ANKRD53: variants seen among roughly 807,000 people sequenced by gnomAD.
The protein encoded by ANKRD53 is ankyrin repeat domain 53.
ANKRD53 carries 27 observed loss-of-function variants against 30.1 expected under a neutral mutation model. The ratio of observed to expected loss-of-function variants is 0.90; its 90% CI spans 0.66 to 1.24. The LOEUF is 1.24. Ranked by LOEUF, ANKRD53 falls within the 50% of genes most tolerant of loss-of-function variation. The probability of loss-of-function intolerance (pLI) is 0.00; values close to 1 mark genes in which losing one functional copy is unlikely to be tolerated. For synonymous variants in ANKRD53, 286 were observed against 295.4 expected (o/e 0.97, Z 0.33); for missense variants, 682 against 721.0 (o/e 0.95, Z 0.62).
At chr2:70,979,053 C>G in intron 1 of ANKRD53, 44 bp from the exon 2 acceptor site, 3 of 1,517,478 alleles carry the variant, frequency 2.0e-6, no homozygotes, top group Non-Finnish European at 2.6e-6. Context: ...GAGAGGTGCC[C>G]GGGCCGTGGC....
At position 70,982,461 on chromosome 2, in the gene ANKRD53, T is replaced by A. The variant is rs1194595013; in HGVS notation, c.783-116T>A. The A allele has an allele frequency of 1.4e-6, 2 of 1,430,050 alleles. No homozygotes were observed. The highest frequency in any genetic ancestry group is 2.8e-5 in the African/African-American group (2 of 70,240). The allele number at this position is 1,430,050 out of a possible 1,614,324, so 88.6% of individuals were successfully genotyped here. On this transcript the variant is annotated intron_variant, in intron 4 of 5. Transcript: ENST00000360589. This position sits in a 1 kb window ranked among gnomAD's most constrained non-coding sequence, Gnocchi z 4.2. ...ATGGGGATGGCTCATCTTGCTCCTC[T>A]CCCTCTGGCCACTCCCCTCATCCCC...
chr2:70,978,916 G>C lies in ANKRD53; in HGVS notation c.170+101G>C. ...GGAGCGGGCGGGGGCGGAGGCTGCGGCCCGAGAAGCCAGCAGAGACAGGCT... is the reference window on the plus strand; with the variant it reads ...GGAGCGGGCGGGGGCGGAGGCTGCGCCCCGAGAAGCCAGCAGAGACAGGCT... On this transcript the variant is annotated intron_variant, in intron 1 of 5. Transcript: ENST00000360589. The surrounding 1 kb of genome is among the most constrained non-coding windows in gnomAD (Gnocchi z 4.3). The C allele has an allele frequency of 2.1e-6, 3 of 1,452,900 alleles. No homozygotes were observed. Among genetic ancestry groups the C allele is most frequent in the Non-Finnish European group, 2.7e-6 (3 of 1,099,234 alleles). 90.0% of individuals were successfully genotyped at this position (1,452,900 alleles called of 1,614,324 possible).
Position 70,982,701 on chromosome 2 carries a change from A to AG in ANKRD53, c.903+9dup. The AG allele has an allele frequency of 1.9e-6, 3 of 1,613,734 alleles. No homozygotes were observed. The highest frequency in any genetic ancestry group is 2.5e-6 in the Non-Finnish European group (3 of 1,179,786). On this transcript the variant is annotated splice_donor_region_variant and intron_variant, in intron 5 of 5. Coordinates refer to ENST00000360589, the MANE Select transcript of ANKRD53 (RefSeq NM_001115116.2). The surrounding 1 kb of genome is among the most constrained non-coding windows in gnomAD (Gnocchi z 4.2). ...CAACTACCTGATTGAGTATCAAGTA[A>AG]GGGGGACAGCAGGGGGGCCAGGGGA...
Position 70,985,184 on chromosome 2 carries a change from T to G in ANKRD53, c.1477T>G (p.Phe493Val). Residue 493 changes from phenylalanine (F) to valine (V), a missense_variant, in exon 6 of 6, where the codon TTC (phenylalanine) becomes GTC (valine). Coordinates refer to ENST00000360589, the MANE Select transcript of ANKRD53 (RefSeq NM_001115116.2). ...PRKRHLGDNT[F>V]WTDTLAMNLR... ...GAAGCGGCACCTGGGTGACAACACC[T>G]TCTGGACCGACACTCTGGCCATGAA... 6.4e-7 allele frequency: 1 copy of G among 1,551,382 alleles called. No homozygotes were observed. The highest frequency in any genetic ancestry group is 1.4e-5 in the African/African-American group (1 of 73,178).
chr2:70,979,929 G>A (rs1669956709), intron 3 of ANKRD53, 69 bp downstream of exon 3: 1 of 1,565,000 alleles, frequency 6.4e-7, no homozygotes, highest in Admixed American at 1.7e-5. Flanking sequence ...TTCCAGGCAG[G>A]CAAATCCATG....
intron 5 of ANKRD53, among the ~76,000 whole-genome samples, chr2:70,983,343 C>G (rs781794469): frequency 1.3e-5 from 2 of 152,202 alleles, no homozygotes; most frequent in South Asian, 4.1e-4. Context: ...ATGATGTATG[C>G]AGAGAATGAA....
intron 3 of ANKRD53, 103 bp downstream of exon 3, chr2:70,979,963 G>A: frequency 1.5e-6 from 2 of 1,361,168 alleles, no homozygotes; most frequent in Non-Finnish European, 2.0e-6. Context: ...GGGGTTGCTG[G>A]AGGTGACAAG....
chr2:70,978,952 A>T lies in ANKRD53; in HGVS notation c.170+137A>T, dbSNP rs1264114988. On this transcript the variant is annotated intron_variant, in intron 1 of 5. Transcript: ENST00000360589. This position sits in a 1 kb window ranked among gnomAD's most constrained non-coding sequence, Gnocchi z 4.3. ...CAGCAGAGACAGGCTGGGGCCAGGG[A>T]TCGCCTCCCGAGAGGTGCCTAGGCC... The T allele has an allele frequency of 7.0e-7, 1 of 1,436,818 alleles. No individual in the cohort carries two copies. The highest frequency in any genetic ancestry group is 9.2e-7 in the Non-Finnish European group (1 of 1,091,866). The allele number at this position is 1,436,818 out of a possible 1,614,324, so 89.0% of individuals were successfully genotyped here.
rs1553424543 is a variant in ANKRD53, at chr2:70,985,024, G to C, written c.1317G>C (p.Val439=). Residue 439 remains valine (V), a synonymous_variant, in exon 6 of 6, where the codon GTG becomes GTC. Coordinates refer to ENST00000360589, the MANE Select transcript of ANKRD53 (RefSeq NM_001115116.2). The part of the protein sequence containing the change: ...DGHGGARLHT[V]DGHWVAPVPR... ...ACGGCGGTGCGCGGCTGCACACAGT[G>C]GACGGCCACTGGGTGGCGCCCGTGC... 2 of 1,549,224 alleles carry C rather than the reference G, an allele frequency of 1.3e-6. No homozygotes were observed. The highest frequency in any genetic ancestry group is 2.7e-5 in the African/African-American group (2 of 73,066).
chr2:70,979,724 G>T lies in ANKRD53; in HGVS notation c.481G>T (p.Glu161Ter). The T allele has an allele frequency of 6.2e-7, 1 of 1,614,232 alleles. No homozygotes were observed. The highest frequency in any genetic ancestry group is 8.5e-7 in the Non-Finnish European group (1 of 1,180,040). Residue 161 changes from glutamate to a stop codon, truncating the protein, a stop_gained, in exon 3 of 6, where the codon GAG (glutamate) becomes TAG (stop). Coordinates refer to ENST00000360589, the MANE Select transcript of ANKRD53 (RefSeq NM_001115116.2). LOFTEE classifies it high-confidence loss of function. Reference sequence around the variant, plus strand: ...GCTTGCATGCCTGCAGGTCCTGGTAGAGGAGTACAAGTTTCCCGTGGACCT... The same window carrying T: ...GCTTGCATGCCTGCAGGTCCTGGTATAGGAGTACAAGTTTCCCGTGGACCT... Reference protein sequence around the residue: ...GKLACLQVLVEEYKFPVDLLT... With the variant: ...GKLACLQVLV
intron 5 of ANKRD53, among the ~76,000 whole-genome samples, chr2:70,983,396 A>G (rs969388060): frequency 6.6e-6 from 1 of 152,252 alleles, no homozygotes; most frequent in Admixed American, 6.5e-5. Flanking sequence ...GGAGGCTGAC[A>G]AGATTTGGCA....
At chr2:70,981,758 A>C (rs1670014842) in intron 3 of ANKRD53, among the ~76,000 whole-genome samples, 178 bp from the exon 4 acceptor site, 1 of 152,202 alleles carries the variant, frequency 6.6e-6, no homozygotes, top group Admixed American at 6.5e-5. Context: ...CACTTAGTCC[A>C]ATTCCTCCCT....
At chr2:70,984,349 A>G in intron 5 of ANKRD53, 1 of 1,600,524 alleles carries the variant, frequency 6.2e-7, no homozygotes, top group Non-Finnish European at 8.5e-7. Flanking sequence ...CAGATTGGAG[A>G]TCCCCCCTTT....
At chr2:70,983,744 A>G (rs1226812367) in intron 5 of ANKRD53, among the ~76,000 whole-genome samples, 2 of 152,068 alleles carry the variant, frequency 1.3e-5, no homozygotes, top group Non-Finnish European at 2.9e-5. Flanking sequence ...CCTCAATTCG[A>G]TCAAGTGTCC....
At chr2:70,978,561 G>C (rs1669893853), upstream of ANKRD53, 1 of 1,375,912 alleles carries the variant, frequency 7.3e-7, no homozygotes, top group African/African-American at 1.5e-5. The surrounding 1 kb of genome is among the most constrained non-coding windows in gnomAD (Gnocchi z 4.3). Context: ...ACCGCGGCCA[G>C]CTGGCAAGGA....
rs201936016 is a variant in ANKRD53 at position 70,981,920 on chromosome 2, G to T, written c.618-16G>T. ...TTCCTTTCTGCCCTTATCCCCACTG[G>T]TGGGGCCTTCCACAGTCAGACATGC... On this transcript the variant is annotated splice_polypyrimidine_tract_variant and intron_variant, in intron 3 of 5. Transcript: ENST00000360589. 1.7e-5 allele frequency: 27 copies of T among 1,553,744 alleles called. No individual in the cohort carries two copies. Among genetic ancestry groups the T allele is most frequent in the Non-Finnish European group, 2.4e-5 (27 of 1,148,424 alleles).
chr2:70,982,493 G>T lies in ANKRD53; in HGVS notation c.783-84G>T. On this transcript the variant is annotated intron_variant, in intron 4 of 5. Coordinates refer to ENST00000360589, the MANE Select transcript of ANKRD53 (RefSeq NM_001115116.2). This position sits in a 1 kb window ranked among gnomAD's most constrained non-coding sequence, Gnocchi z 4.2. Reference sequence around the variant, plus strand: ...GGCCACTCCCCTCATCCCCATCCAAGCCCTCAGCAGCAGCCAGTCTTCCCA... The same window carrying T: ...GGCCACTCCCCTCATCCCCATCCAATCCCTCAGCAGCAGCCAGTCTTCCCA... The T allele has an allele frequency of 6.4e-7, 1 of 1,571,266 alleles. No homozygotes were observed. Among genetic ancestry groups the T allele is most frequent in the Non-Finnish European group, 8.7e-7 (1 of 1,153,430 alleles).
At position 70,979,185 on chromosome 2, in the gene ANKRD53, C is replaced by G. The variant is rs782121746; in HGVS notation, c.259C>G (p.Arg87Gly). ...CCGCCCTGCCTCGCTCACCCCGCCC[C>G]GCGCTGACCCCAGCCCCAGCAAGGA... ...PRRPASLTPPRADPSPSKESD... is the reference protein window; with the variant it reads ...PRRPASLTPPGADPSPSKESD... Residue 87 changes from arginine to glycine, a missense_variant, in exon 2 of 6, where the codon CGC becomes GGC. Coordinates refer to ENST00000360589, the MANE Select transcript of ANKRD53 (RefSeq NM_001115116.2). 1.2e-6 allele frequency: 2 copies of G among 1,612,822 alleles called. No individual in the cohort carries two copies. The highest frequency in any genetic ancestry group is 2.2e-5 in the South Asian group (2 of 91,084).
At position 70,982,723 on chromosome 2, in the gene ANKRD53, G is replaced by T. The variant is rs782330044; in HGVS notation, c.903+26G>T. 1.2e-6 allele frequency: 2 copies of T among 1,611,566 alleles called. No individual in the cohort carries two copies. Among genetic ancestry groups the T allele is most frequent in the South Asian group, 2.2e-5 (2 of 90,978 alleles). On this transcript the variant is annotated intron_variant, in intron 5 of 5. Coordinates refer to ENST00000360589, the MANE Select transcript of ANKRD53 (RefSeq NM_001115116.2). This position sits in a 1 kb window ranked among gnomAD's most constrained non-coding sequence, Gnocchi z 4.2. ...GTAAGGGGGACAGCAGGGGGGCCAG[G>T]GGACAGCTGCTATCCAGGCATGTGA... is the stretch of plus-strand genomic sequence containing the variant.
Sources: allele counts gnomAD v4.1 joint callset (sites outside exome capture counted in the v4.1 genomes callset), GRCh38; gene constraint gnomAD v4.1.1; non-coding constraint Gnocchi (gnomAD v3.1); transcripts MANE v1.5; gene names NCBI Gene and HGNC (gene_info 2026-07-23, HGNC 2026-07-21).